PLXNA4: variants seen among roughly 807,000 people sequenced by gnomAD.
PLXNA4 encodes plexin-A4.
A neutral mutation model predicts 191.8 loss-of-function variants in PLXNA4; 44 were observed. The observed-to-expected ratio is 0.23, with a 90% CI of 0.18 to 0.29. The LOEUF is 0.29. PLXNA4 is among the 10% of genes least tolerant of loss of function. The probability of loss-of-function intolerance (pLI) is 1.00; values close to 1 mark genes in which losing one functional copy is unlikely to be tolerated. For synonymous variants in PLXNA4, 1,082 were observed against 1,009.5 expected, an observed-to-expected ratio of 1.07 and a Z score of -1.36; for missense variants, 1,800 against 2,488.8, an observed-to-expected ratio of 0.72 and a Z score of 5.89.
At chr7:132,644,964 A>G (rs968221488) in intron 2 of PLXNA4, among the ~76,000 whole-genome samples, 4 of 152,122 alleles carry the variant, frequency 2.6e-5, no homozygotes, top group Admixed American at 2.6e-4. Context: ...GCCTGAGGGT[A>G]TTGGAGAGAC....
rs1478138796 is a variant in PLXNA4 at position 132,223,536 on chromosome 7, C to T, written c.2088G>A (p.Lys696=). ...GCTGCCAGGGACCTACCTCGGGCAG[C>T]TTCACTCGGCCTTCCTGGAAGGAGC... ...KTCSFQEGRV[K]LPEDCPQLLR... is the part of the protein sequence containing the mutation. The change falls in exon 9 of 32, where the codon AAG becomes AAA. Residue 696 remains lysine (K), a synonymous_variant. Transcript: ENST00000321063. 1 of 1,612,806 alleles carries T rather than the reference C, an allele frequency of 6.2e-7. No homozygotes were observed. Among genetic ancestry groups the T allele is most frequent in the Admixed American group, 1.7e-5 (1 of 59,938 alleles).
chr7:132,266,409 T>C (rs1488910310), intron 4 of PLXNA4: 1 of 152,214 alleles, frequency 6.6e-6, no homozygotes, highest in East Asian at 1.9e-4. Context: ...CCCCTTCAAA[T>C]TACTGATTGT....
Position 132,507,548 on chromosome 7 carries a change from G to T in PLXNA4, c.1146C>A (p.Asp382Glu). Reference protein sequence around the residue: ...QSCYRGEGTLDLAWLKVKDIP... With the variant: ...QSCYRGEGTLELAWLKVKDIP... ...TGTCCTTCACCTTGAGCCAGGCCAG[G>T]TCCAGCGTGCCCTCGCCCCGGTAAC... The change falls in exon 2 of 32, where the codon GAC becomes GAA. Residue 382 changes from aspartate to glutamate, a missense_variant. Physicochemically the swap from Asp to Glu is conservative, Grantham distance 45. Coordinates refer to ENST00000321063, the MANE Select transcript of PLXNA4 (RefSeq NM_020911.2). 1 of 1,613,876 alleles carries T rather than the reference G, an allele frequency of 6.2e-7. No homozygotes were observed. The highest frequency in any genetic ancestry group is 8.5e-7 in the Non-Finnish European group (1 of 1,179,986).
intron 20 of PLXNA4, among the ~76,000 whole-genome samples, chr7:132,177,022 TGA>T (rs1384323418): frequency 6.8e-6 from 1 of 147,422 alleles, no homozygotes. Context: ...TGTGCAAGTG[TGA>T]GTGTGTAAGT....
At chr7:132,573,747 G>T (rs964436167) in intron 1 of PLXNA4, among the ~76,000 whole-genome samples, 2 of 152,238 alleles carry the variant, frequency 1.3e-5, no homozygotes, top group African/African-American at 4.8e-5. Flanking sequence ...TGGGAGGACA[G>T]ATGAGAGCCC....
intron 13 of PLXNA4, 90 bp downstream of exon 13, chr7:132,198,395 T>G: frequency 8.7e-6 from 13 of 1,501,796 alleles, no homozygotes; most frequent in Non-Finnish European, 1.2e-5. Flanking sequence ...CAACAAGCTC[T>G]GAGAGCACCT....
At chr7:132,484,716 A>G in intron 3 of PLXNA4, 4 of 1,532,774 alleles carry the variant, frequency 2.6e-6, no homozygotes, top group Admixed American at 1.8e-5. Flanking sequence ...CCAACATTGT[A>G]TCTCCATTTG....
At chr7:132,330,354 A>G (rs1011580376) in intron 3 of PLXNA4, among the ~76,000 whole-genome samples, 5 of 152,208 alleles carry the variant, frequency 3.3e-5, no homozygotes, top group East Asian at 1.9e-4. Context: ...TCACAGTGGC[A>G]GAGTAACCAT....
intron 2 of PLXNA4, among the ~76,000 whole-genome samples, chr7:132,589,750 C>T (rs1305280768): frequency 6.6e-6 from 1 of 152,144 alleles, no homozygotes; most frequent in South Asian, 2.1e-4. Flanking sequence ...AATGAACTAG[C>T]AATAGAACTT....
At position 132,598,653 on chromosome 7, in the gene PLXNA4, A is replaced by G. The variant is rs548729901; in HGVS notation, c.-87+47275T>C. 1.7e-4 allele frequency among the ~76,000 whole-genome samples: 26 copies of G among 152,266 alleles called. No homozygotes were observed. The East Asian group carries it at 4.8e-3, about 28-fold the overall frequency. On this transcript the variant is annotated intron_variant, in intron 2 of 4. Transcript: ENST00000378539. The stretch of plus-strand genomic sequence containing the variant: ...TCTCATCGTTTGCTTGTTGATTTGC[A>G]AGAATTTCCTGTGAATTCTAAATAA...
At chr7:132,611,599 C>T (rs1033977622) in intron 2 of PLXNA4, among the ~76,000 whole-genome samples, 1 of 152,196 alleles carries the variant, frequency 6.6e-6, no homozygotes, top group African/African-American at 2.4e-5. Context: ...TATTAAACAA[C>T]CTGGGGCATG....
At chr7:132,263,541 C>T (rs929648766) in intron 4 of PLXNA4, among the ~76,000 whole-genome samples, 2 of 152,226 alleles carry the variant, frequency 1.3e-5, no homozygotes, top group African/African-American at 4.8e-5. Context: ...CACTCTAGTT[C>T]TGGTTTGGAA....
chr7:132,576,514 T>C (rs1297292990), upstream of PLXNA4: 6 of 985,666 alleles, frequency 6.1e-6, no homozygotes, highest in Non-Finnish European at 6.0e-6. This position sits in a 1 kb window ranked among gnomAD's most constrained non-coding sequence, Gnocchi z 5.8. Context: ...CCTCTGAACG[T>C]GTGCGTGTGC....
chr7:132,309,490 G>A lies in PLXNA4; in HGVS notation c.1372-11268C>T, dbSNP rs1801647191. Among the ~76,000 whole-genome samples, 4 of 152,138 alleles carry A rather than the reference G, an allele frequency of 2.6e-5. No homozygotes were observed. In the South Asian group the frequency reaches 8.3e-4, roughly 32 times the overall value. ...TCATCCTACAGCTTGGACAAGCCAT[G>A]TTCATCTCTGCCCCCACACATGGGG... is the stretch of plus-strand genomic sequence containing the variant. On this transcript the variant is annotated intron_variant, in intron 3 of 31. Coordinates refer to ENST00000321063, the MANE Select transcript of PLXNA4 (RefSeq NM_020911.2).
At chr7:132,488,981 T>G (rs2117526294) in intron 3 of PLXNA4, among the ~76,000 whole-genome samples, 1 of 152,284 alleles carries the variant, frequency 6.6e-6, no homozygotes, top group East Asian at 1.9e-4. Context: ...AGCCTTTGCC[T>G]TAAGGGCACA....
chr7:132,543,384 C>A (rs1800164131), intron 1 of PLXNA4, among the ~76,000 whole-genome samples: 1 of 152,202 alleles, frequency 6.6e-6, no homozygotes, highest in African/African-American at 2.4e-5. Flanking sequence ...CTTTAGAAGC[C>A]AGCAAAAGTC....
At chr7:132,636,459 GACC>G (rs1263359116) in intron 2 of PLXNA4, among the ~76,000 whole-genome samples, 1 of 152,178 alleles carries the variant, frequency 6.6e-6, no homozygotes, top group Non-Finnish European at 1.5e-5. Flanking sequence ...GAGCTTCAGA[GACC>G]ACATCAAGGA....
chr7:132,633,281 CATT>C (rs1803528805), intron 2 of PLXNA4, among the ~76,000 whole-genome samples: 1 of 133,284 alleles, frequency 7.5e-6, no homozygotes, highest in Admixed American at 7.3e-5. Flanking sequence ...TTGAGGTTCT[CATT>C]TTTTTTTTTT....
At position 132,325,764 on chromosome 7, in the gene PLXNA4, C is replaced by T. The variant is rs183426142; in HGVS notation, c.1372-27542G>A. 5.9e-5 allele frequency among the ~76,000 whole-genome samples: 9 copies of T among 152,246 alleles called. No individual in the cohort carries two copies. In the East Asian group the frequency reaches 1.7e-3, roughly 29 times the overall value. Reference sequence around the variant, plus strand: ...ATAAACTCCTAATGCCCCAGGCCACCCAGTTTACAGTGTTTTATTACAGCA... The same window carrying T: ...ATAAACTCCTAATGCCCCAGGCCACTCAGTTTACAGTGTTTTATTACAGCA... On this transcript the variant is annotated intron_variant, in intron 3 of 31. Coordinates refer to ENST00000321063, the MANE Select transcript of PLXNA4 (RefSeq NM_020911.2).
Sources: allele counts gnomAD v4.1 joint callset (sites outside exome capture counted in the v4.1 genomes callset), GRCh38; gene constraint gnomAD v4.1.1; non-coding constraint Gnocchi (gnomAD v3.1); transcripts MANE v1.5; gene names NCBI Gene and HGNC (gene_info 2026-07-23, HGNC 2026-07-21).